PRKCE: variants seen among roughly 807,000 people sequenced by gnomAD.
The protein encoded by PRKCE is protein kinase C epsilon type.
Under a neutral mutation model 85.4 loss-of-function variants are expected in PRKCE, and 16 were observed. The observed-to-expected ratio is 0.19, with a 90% CI of 0.13 to 0.28. The LOEUF (loss-of-function observed/expected upper bound fraction) is 0.28. Ranked by LOEUF, PRKCE falls within the 10% of genes least tolerant of loss-of-function variation. The probability of loss-of-function intolerance (pLI) is 1.00; values close to 1 mark genes in which losing one functional copy is unlikely to be tolerated. For missense variants in PRKCE, 573 were observed against 975.2 expected (o/e 0.59, Z 5.49); for synonymous variants, 388 against 371.5 (o/e 1.04, Z -0.51).
intron 11 of PRKCE, among the ~76,000 whole-genome samples, chr2:46,107,361 G>T (rs559507169): frequency 7.9e-5 from 12 of 152,036 alleles, no homozygotes; most frequent in Admixed American, 7.2e-4. Context: ...ATAATATTCC[G>T]GCCGGGCACG....
intron 10 of PRKCE, among the ~76,000 whole-genome samples, chr2:46,082,572 G>A (rs192917094): frequency 6.6e-6 from 1 of 152,270 alleles, no homozygotes; most frequent in African/African-American, 2.4e-5. Context: ...CATCTGCATA[G>A]AGGTGCCTTG....
At chr2:46,104,377 T>C (rs1558459230) in intron 11 of PRKCE, among the ~76,000 whole-genome samples, 1 of 149,970 alleles carries the variant, frequency 6.7e-6, no homozygotes, top group East Asian at 2.0e-4. Context: ...TGTGAAGTCA[T>C]GCACAACATC....
chr2:46,168,306 G>A (rs1416556261), intron 14 of PRKCE, among the ~76,000 whole-genome samples: 1 of 152,202 alleles, frequency 6.6e-6, no homozygotes, highest in Non-Finnish European at 1.5e-5. Flanking sequence ...TGCACTTGAA[G>A]TAACACACAT....
chr2:46,150,531 C>T (rs1676520152), intron 12 of PRKCE, among the ~76,000 whole-genome samples: 1 of 152,122 alleles, frequency 6.6e-6, no homozygotes, highest in Non-Finnish European at 1.5e-5. Context: ...ATTGCAGTTT[C>T]CTCTCCAGGA....
chr2:45,833,672 C>T (rs1690619366), intron 1 of PRKCE, among the ~76,000 whole-genome samples: 1 of 152,208 alleles, frequency 6.6e-6, no homozygotes, highest in Admixed American at 6.5e-5. Context: ...TACTTTCAAT[C>T]TCTGAGATAT....
At chr2:45,651,300 C>T (rs1183752259), upstream of PRKCE, 2 of 150,124 alleles carry the variant, frequency 1.3e-5, no homozygotes, top group African/African-American at 4.9e-5. Context: ...CCCGCCGCCG[C>T]GCTGCGCACC....
intron 2 of PRKCE, among the ~76,000 whole-genome samples, chr2:45,957,624 G>A (rs955672991): frequency 1.3e-5 from 2 of 152,182 alleles, no homozygotes; most frequent in African/African-American, 4.8e-5. Context: ...TCTTAAATGT[G>A]GCAGCCAGGC....
intron 6 of PRKCE, among the ~76,000 whole-genome samples, chr2:45,984,978 A>G (rs1425888732): frequency 1.3e-5 from 2 of 152,168 alleles, no homozygotes; most frequent in East Asian, 3.8e-4. Flanking sequence ...TAATTTCAGG[A>G]AAGATACATT....
intron 10 of PRKCE, among the ~76,000 whole-genome samples, chr2:46,019,598 C>G (rs1335451917): frequency 1.3e-5 from 2 of 152,122 alleles, no homozygotes; most frequent in Non-Finnish European, 2.9e-5. Flanking sequence ...TCTTAGAAGT[C>G]TGATGTTTTT....
intron 2 of PRKCE, among the ~76,000 whole-genome samples, chr2:45,854,387 A>G (rs1333958874): frequency 2.6e-5 from 4 of 152,184 alleles, no homozygotes; most frequent in African/African-American, 9.6e-5. Context: ...GATTAAGTCT[A>G]TGAGGGTCTT....
At chr2:45,966,809 G>A (rs1337165220) in intron 2 of PRKCE, among the ~76,000 whole-genome samples, 1 of 152,134 alleles carries the variant, frequency 6.6e-6, no homozygotes, top group African/African-American at 2.4e-5. Flanking sequence ...ACATCTGGGG[G>A]TAGCTGAACC....
intron 2 of PRKCE, among the ~76,000 whole-genome samples, chr2:45,924,238 T>C (rs1698451083): frequency 1.3e-5 from 2 of 152,226 alleles, no homozygotes; most frequent in Admixed American, 1.3e-4. Context: ...AATTTGTTTT[T>C]TGATCTTTAT....
chr2:45,847,316 C>T (rs1038169967), intron 2 of PRKCE, among the ~76,000 whole-genome samples: 4 of 152,230 alleles, frequency 2.6e-5, no homozygotes, highest in Non-Finnish European at 4.4e-5. Flanking sequence ...TCCCCATCCT[C>T]TCACCAGCCC....
At chr2:46,050,326 T>C (rs1708778368) in intron 10 of PRKCE, among the ~76,000 whole-genome samples, 1 of 152,256 alleles carries the variant, frequency 6.6e-6, no homozygotes, top group Non-Finnish European at 1.5e-5. Context: ...CGTGAGAAGC[T>C]GTCAGGGTTT....
At chr2:46,074,414 A>G (rs1228966653) in intron 10 of PRKCE, among the ~76,000 whole-genome samples, 2 of 145,258 alleles carry the variant, frequency 1.4e-5, no homozygotes, top group African/African-American at 2.6e-5. Flanking sequence ...AAACAAACAA[A>G]CAAACAACAA....
intron 1 of PRKCE, among the ~76,000 whole-genome samples, chr2:45,727,101 C>T (rs907244908): frequency 1.3e-5 from 2 of 152,164 alleles, no homozygotes; most frequent in Non-Finnish European, 2.9e-5. Context: ...TGTCATAGTA[C>T]AGTCCCTGTT....
At chr2:45,952,974 C>T (rs1434007630) in intron 2 of PRKCE, among the ~76,000 whole-genome samples, 1 of 152,208 alleles carries the variant, frequency 6.6e-6, no homozygotes, top group Non-Finnish European at 1.5e-5. Context: ...CCTGACATCT[C>T]ATTTTATGGA....
chr2:45,782,251 G>A (rs1214938229), intron 1 of PRKCE, among the ~76,000 whole-genome samples: 1 of 152,106 alleles, frequency 6.6e-6, no homozygotes, highest in African/African-American at 2.4e-5. Context: ...ACCCCAGCAA[G>A]TGCCCATTTC....
chr2:45,702,791 A>G (rs564065012), intron 1 of PRKCE, among the ~76,000 whole-genome samples: 3 of 152,100 alleles, frequency 2.0e-5, no homozygotes, highest in East Asian at 3.9e-4. Flanking sequence ...TCTCTTTTCC[A>G]TTTCTTTCCT....
Sources: allele counts gnomAD v4.1 joint callset (sites outside exome capture counted in the v4.1 genomes callset), GRCh38; gene constraint gnomAD v4.1.1; transcripts MANE v1.5; gene names NCBI Gene and HGNC (gene_info 2026-07-23, HGNC 2026-07-21).